FRMD4A: variants seen among roughly 807,000 people sequenced by gnomAD.
FRMD4A encodes FERM domain containing 4A, also known as FERM domain-containing protein 4A.
A neutral mutation model predicts 129.1 loss-of-function variants in FRMD4A; 29 were observed. The ratio of observed to expected loss-of-function variants is 0.22; its 90% CI spans 0.17 to 0.31. The LOEUF is 0.31. Among genes scored for constraint, FRMD4A ranks in the 10% least tolerant of loss-of-function variants. The probability of loss-of-function intolerance (pLI) is 1.00; values close to 1 mark genes in which losing one functional copy is unlikely to be tolerated. For missense variants in FRMD4A, 1,272 were observed against 1,375.8 expected (o/e 0.92, Z 1.19); for synonymous variants, 634 against 571.6 (o/e 1.11, Z -1.56).
chr10:13,969,625 A>G (rs2131379382), intron 2 of FRMD4A, among the ~76,000 whole-genome samples: 1 of 152,308 alleles, frequency 6.6e-6, no homozygotes, highest in East Asian at 1.9e-4. Flanking sequence ...CCGAGGCAGG[A>G]GGATCACTTG....
At chr10:13,894,416 C>G (rs546826004) in intron 2 of FRMD4A, among the ~76,000 whole-genome samples, 23 of 152,310 alleles carry the variant, frequency 1.5e-4, no homozygotes, top group Non-Finnish European at 2.9e-4. Flanking sequence ...CCACCCAGCC[C>G]CACCAGAAAT....
chr10:14,188,006 C>T (rs1024537854), intron 2 of FRMD4A, among the ~76,000 whole-genome samples: 4 of 152,158 alleles, frequency 2.6e-5, no homozygotes, highest in African/African-American at 7.2e-5. Context: ...GTATCTCCAC[C>T]TCCTTGTAGC....
At chr10:13,651,825 AATG>A (rs1271019114) in intron 24 of FRMD4A, 75 bp downstream of exon 24, 1 of 787,774 alleles carries the variant, frequency 1.3e-6, no homozygotes, top group African/African-American at 1.7e-5. Flanking sequence ...TCCTTGTGGA[AATG>A]ATGACATGGA....
At chr10:14,244,144 G>A (rs192018583) in intron 2 of FRMD4A, among the ~76,000 whole-genome samples, 147 of 152,304 alleles carry the variant, frequency 9.7e-4, no homozygotes, top group African/African-American at 3.4e-3. Flanking sequence ...TTGAAAGAAA[G>A]CAAATGGAAC....
intron 3 of FRMD4A, among the ~76,000 whole-genome samples, chr10:13,822,465 T>G (rs1445472391): frequency 6.6e-6 from 1 of 152,182 alleles, no homozygotes; most frequent in African/African-American, 2.4e-5. Context: ...ATTTGTGGAC[T>G]TACACCCCAA....
intron 3 of FRMD4A, among the ~76,000 whole-genome samples, chr10:13,844,194 T>C (rs1366936003): frequency 1.3e-5 from 2 of 152,092 alleles, no homozygotes; most frequent in African/African-American, 4.8e-5. Flanking sequence ...AATATGTGTG[T>C]GCGGTTGACA....
chr10:14,116,002 C>T (rs150378919), intron 2 of FRMD4A, among the ~76,000 whole-genome samples: 1 of 152,354 alleles, frequency 6.6e-6, no homozygotes, highest in Non-Finnish European at 1.5e-5. Flanking sequence ...ATAATAAACA[C>T]TCAATAAATA....
Position 14,301,441 on chromosome 10 carries a change from G to A in FRMD4A, c.45+28617C>T, listed in dbSNP as rs529474327. 2.0e-4 allele frequency among the ~76,000 whole-genome samples: 30 copies of A among 152,312 alleles called. 1 individual carries two copies. Among genetic ancestry groups the A allele is most frequent in the South Asian group, 1.9e-3 (9 of 4,824 alleles). On this transcript the variant is annotated intron_variant, in intron 2 of 24. Transcript: ENST00000357447. The stretch of plus-strand genomic sequence containing the variant: ...TCTCACAGGTGCTGATAGAGGAAAC[G>A]TCTCCTAGACAGAAGGCAGGGTGTG...
intron 3 of FRMD4A, among the ~76,000 whole-genome samples, chr10:13,847,350 T>C (rs1038364971): frequency 5.9e-5 from 9 of 152,232 alleles, no homozygotes; most frequent in East Asian, 1.9e-4. Context: ...CAAACAGAGA[T>C]TCAAGGGCGA....
chr10:13,926,702 A>G (rs2095137544), intron 2 of FRMD4A, among the ~76,000 whole-genome samples: 1 of 152,164 alleles, frequency 6.6e-6, no homozygotes, highest in South Asian at 2.1e-4. Flanking sequence ...CATGTTTTCT[A>G]CTTAAGACAG....
At chr10:14,264,736 T>C (rs986577890) in intron 2 of FRMD4A, among the ~76,000 whole-genome samples, 1 of 152,216 alleles carries the variant, frequency 6.6e-6, no homozygotes, top group Non-Finnish European at 1.5e-5. Flanking sequence ...AAAGAACTAA[T>C]TTTTTAACAC....
chr10:13,822,802 T>C (rs1234527610), intron 3 of FRMD4A, among the ~76,000 whole-genome samples: 2 of 152,114 alleles, frequency 1.3e-5, no homozygotes, highest in African/African-American at 4.8e-5. Context: ...CCAAACCCTA[T>C]ATCTGTGCCC....
chr10:13,757,827 T>A (rs373185344), intron 8 of FRMD4A, among the ~76,000 whole-genome samples: 3 of 152,206 alleles, frequency 2.0e-5, no homozygotes, highest in African/African-American at 7.2e-5. Flanking sequence ...CACTGCAACC[T>A]CCGCCTACCA....
intron 6 of FRMD4A, among the ~76,000 whole-genome samples, chr10:13,771,779 C>T (rs2092460115): frequency 6.6e-6 from 1 of 152,018 alleles, no homozygotes; most frequent in South Asian, 2.1e-4. Context: ...TGATGAATGT[C>T]CCTAAAGAGT....
chr10:14,255,004 G>C (rs1844560803), intron 2 of FRMD4A, among the ~76,000 whole-genome samples: 1 of 152,118 alleles, frequency 6.6e-6, no homozygotes. Context: ...ATGGCATCTG[G>C]CTTGTAACCC....
chr10:14,001,319 C>T (rs1317423063), intron 2 of FRMD4A, among the ~76,000 whole-genome samples: 1 of 152,158 alleles, frequency 6.6e-6, no homozygotes, highest in Non-Finnish European at 1.5e-5. Context: ...TGACCCATGG[C>T]ATGATGGTGA....
chr10:13,740,612 T>C, intron 9 of FRMD4A, 35 bp from the exon 10 acceptor site: 2 of 1,113,230 alleles, frequency 1.8e-6, no homozygotes, highest in Non-Finnish European at 2.7e-6. Flanking sequence ...GTTGTTGGAG[T>C]CTCTAGGTCA....
chr10:13,842,533 G>A (rs1419820715), intron 3 of FRMD4A, among the ~76,000 whole-genome samples: 3 of 152,138 alleles, frequency 2.0e-5, no homozygotes, highest in Non-Finnish European at 4.4e-5. Context: ...GAAAGTTGAG[G>A]TTCATAAAGG....
chr10:14,095,397 C>G (rs1373020093), intron 2 of FRMD4A, among the ~76,000 whole-genome samples: 2 of 152,164 alleles, frequency 1.3e-5, no homozygotes, highest in African/African-American at 2.4e-5. Context: ...GGCACTGTCA[C>G]TTGGCACTGG....
Sources: gnomAD v4.1 joint callset for allele counts (sites outside exome capture counted in the v4.1 genomes callset) on GRCh38, gnomAD v4.1.1 for gene constraint, MANE v1.5 for transcripts, NCBI Gene and HGNC (gene_info 2026-07-23, HGNC 2026-07-21) for gene names.